Variants in CFAP418 observed in about 807,000 individuals in gnomAD.
CFAP418 encodes cilia and flagella associated protein 418.
CFAP418 carries 27 observed loss-of-function variants against 24.7 expected under a neutral mutation model. The ratio of observed to expected loss-of-function variants is 1.09; its 90% CI spans 0.81 to 1.51. The LOEUF (loss-of-function observed/expected upper bound fraction) is 1.51, where lower values mean the gene tolerates loss of function less well. Ranked by LOEUF, CFAP418 falls within the 40% of genes most tolerant of loss-of-function variation. CFAP418 has a pLI of 0.00. For synonymous variants in CFAP418, 74 were observed against 87.3 expected, an observed-to-expected ratio of 0.85 and a Z score of 0.85; for missense variants, 257 against 255.2, an observed-to-expected ratio of 1.01 and a Z score of -0.05.
At chr8:95,264,250 A>G (rs1811939232) in intron 1 of CFAP418, among the ~76,000 whole-genome samples, 1 of 152,180 alleles carries the variant, frequency 6.6e-6, no homozygotes, top group Non-Finnish European at 1.5e-5. Flanking sequence ...CCCCAAAAAA[A>G]GGTGCTATTT....
At chr8:95,248,906 AGTATTAAACT>A (rs1185249935) in intron 5 of CFAP418, among the ~76,000 whole-genome samples, 3 of 151,104 alleles carry the variant, frequency 2.0e-5, no homozygotes, top group African/African-American at 7.3e-5. Context: ...CACCATATTC[AGTATTAAACT>A]GTACGAAATT....
At chr8:95,250,020 T>G (rs910671388) in intron 5 of CFAP418, among the ~76,000 whole-genome samples, 1 of 152,224 alleles carries the variant, frequency 6.6e-6, no homozygotes. Flanking sequence ...CTCTATGACC[T>G]TGCTGCTCAC....
chr8:95,248,823 G>A (rs1023357168), intron 5 of CFAP418, among the ~76,000 whole-genome samples: 1 of 152,152 alleles, frequency 6.6e-6, no homozygotes, highest in African/African-American at 2.4e-5. Flanking sequence ...AAGAGATACG[G>A]TACCTAACCA....
chr8:95,259,883 C>T lies in CFAP418; in HGVS notation c.331G>A (p.Gly111Arg), dbSNP rs757837788. 6.2e-7 allele frequency: 1 copy of T among 1,608,026 alleles called. No individual in the cohort carries two copies. The highest frequency in any genetic ancestry group is 1.7e-5 in the Admixed American group (1 of 58,682). The change falls in exon 4 of 6, where the codon GGA (glycine) becomes AGA (arginine). Residue 111 changes from glycine to arginine, a missense_variant. Gly to Arg is a moderately radical substitution (Grantham distance 125). Coordinates refer to ENST00000286688, the MANE Select transcript of CFAP418 (RefSeq NM_177965.4). Reference sequence around the variant, plus strand: ...CCAATCCCACATGGAATAGAGCTTCCACCAAGGTACACCGGACTGCAACTA... The same window carrying T: ...CCAATCCCACATGGAATAGAGCTTCTACCAAGGTACACCGGACTGCAACTA... ...GKSCSPVYLGGSSIPCGIGTN... is the reference protein window; with the variant it reads ...GKSCSPVYLGRSSIPCGIGTN...
At chr8:95,250,612 G>A (rs1345835166) in intron 5 of CFAP418, among the ~76,000 whole-genome samples, 2 of 152,166 alleles carry the variant, frequency 1.3e-5, no homozygotes, top group African/African-American at 2.4e-5. Flanking sequence ...ATAGCAGAGG[G>A]TTTAGAAAAG....
At chr8:95,263,898 A>C in intron 1 of CFAP418, 124 bp from the exon 2 acceptor site, 1 of 588,966 alleles carries the variant, frequency 1.7e-6, no homozygotes, top group Non-Finnish European at 3.0e-6. Flanking sequence ...AAGTGATTTT[A>C]ATTTTTTTCA....
intron 5 of CFAP418, among the ~76,000 whole-genome samples, chr8:95,249,460 C>T (rs1811675409): frequency 1.3e-5 from 2 of 152,064 alleles, no homozygotes; most frequent in African/African-American, 2.4e-5. Context: ...CTCAGGAGTT[C>T]GAGACCAGCA....
At chr8:95,267,465 G>A (rs1054566827) in intron 1 of CFAP418, among the ~76,000 whole-genome samples, 2 of 152,192 alleles carry the variant, frequency 1.3e-5, no homozygotes, top group Non-Finnish European at 2.9e-5. Context: ...GCCAGGCGTG[G>A]TGGCGGGCGC....
intron 4 of CFAP418, among the ~76,000 whole-genome samples, 195 bp downstream of exon 4, chr8:95,259,645 A>G (rs1811852144): frequency 6.6e-6 from 1 of 152,200 alleles, no homozygotes; most frequent in Non-Finnish European, 1.5e-5. Flanking sequence ...CATAAAATGA[A>G]TAATATGTAC....
chr8:95,261,653 G>T (rs755021188), intron 2 of CFAP418, among the ~76,000 whole-genome samples: 4 of 151,974 alleles, frequency 2.6e-5, no homozygotes, highest in Non-Finnish European at 4.4e-5. Flanking sequence ...TAGACCTGCT[G>T]TCTCCTTTGA....
chr8:95,259,862 TC>T lies in CFAP418; in HGVS notation c.351del (p.Ile118LeufsTer16). On this transcript the variant is annotated frameshift_variant, in exon 4 of 6. Coordinates refer to ENST00000286688, the MANE Select transcript of CFAP418 (RefSeq NM_177965.4). LOFTEE classifies it high-confidence loss of function. Reference sequence around the variant, plus strand: ...TACCTCCATGAAATATTTGTTCCAATCCCACATGGAATAGAGCTTCCACCAA... The same window carrying T: ...TACCTCCATGAAATATTTGTTCCAATCCACATGGAATAGAGCTTCCACCAA... ...VYLGGSSIPC[G>X]IGTNISWRAC... 1 of 1,609,728 alleles carries T rather than the reference TC, an allele frequency of 6.2e-7. No individual in the cohort carries two copies. The highest frequency in any genetic ancestry group is 8.5e-7 in the Non-Finnish European group (1 of 1,178,812).
chr8:95,251,561 G>A (rs943720186), intron 5 of CFAP418, among the ~76,000 whole-genome samples: 1 of 152,196 alleles, frequency 6.6e-6, no homozygotes, highest in Non-Finnish European at 1.5e-5. Context: ...TGAGCAGGAG[G>A]ACGGTATACT....
intron 1 of CFAP418, among the ~76,000 whole-genome samples, chr8:95,264,918 C>G (rs1587358056): frequency 6.6e-6 from 1 of 152,164 alleles, no homozygotes; most frequent in East Asian, 1.9e-4. Context: ...GAGGTATGCT[C>G]AAGGCTTGCT....
intron 1 of CFAP418, among the ~76,000 whole-genome samples, chr8:95,264,399 G>A (rs1001928907): frequency 1.3e-5 from 2 of 152,162 alleles, no homozygotes; most frequent in Admixed American, 6.5e-5. Context: ...TAAATAGTAA[G>A]TATTTACTGA....
chr8:95,251,705 C>A (rs79732982), intron 5 of CFAP418, among the ~76,000 whole-genome samples: 6,973 of 152,148 alleles, frequency 0.046, 225 homozygotes, highest in East Asian at 0.12. Flanking sequence ...TGACAGCAGG[C>A]AGATGGAGAG....
intron 5 of CFAP418, among the ~76,000 whole-genome samples, chr8:95,250,171 A>T (rs1811685649): frequency 6.6e-6 from 1 of 152,184 alleles, no homozygotes; most frequent in Admixed American, 6.5e-5. Context: ...TCTATCAGTG[A>T]TTTATATCCT....
At chr8:95,258,046 A>G (rs1239925622) in intron 4 of CFAP418, among the ~76,000 whole-genome samples, 28 of 152,136 alleles carry the variant, frequency 1.8e-4, no homozygotes, top group Admixed American at 1.8e-3. Flanking sequence ...GGCCCAGGCT[A>G]ATGTGAGTGT....
At chr8:95,247,912 G>T (rs1283938224) in intron 5 of CFAP418, 142 bp from the exon 6 acceptor site, 3 of 855,568 alleles carry the variant, frequency 3.5e-6, no homozygotes, top group Non-Finnish European at 5.1e-6. Flanking sequence ...GGATTGCGGT[G>T]GCACAATCAT....
intron 1 of CFAP418, among the ~76,000 whole-genome samples, chr8:95,267,773 C>A (rs1187320478): frequency 6.6e-6 from 1 of 152,022 alleles, no homozygotes; most frequent in African/African-American, 2.4e-5. Context: ...AAGTTGCCTC[C>A]GTGTAATTTC....
Sources: gnomAD v4.1 joint callset for allele counts (sites outside exome capture counted in the v4.1 genomes callset) on GRCh38, gnomAD v4.1.1 for gene constraint, MANE v1.5 for transcripts, NCBI Gene and HGNC (gene_info 2026-07-23, HGNC 2026-07-21) for gene names.